Variants in RIPK4 observed in about 807,000 individuals in gnomAD.
RIPK4 encodes the protein receptor interacting serine/threonine kinase 4.
A neutral mutation model predicts 42.9 loss-of-function variants in RIPK4; 17 were observed. That is an observed-to-expected ratio of 0.40 (90% CI 0.27 to 0.59). The LOEUF (loss-of-function observed/expected upper bound fraction) is 0.59. RIPK4 is among the 20% of genes least tolerant of loss of function. The probability of loss-of-function intolerance (pLI) is 0.47; values close to 1 mark genes in which losing one functional copy is unlikely to be tolerated. For synonymous variants in RIPK4, 498 were observed against 499.1 expected, an observed-to-expected ratio of 1.00 and a Z score of 0.03; for missense variants, 897 against 1,104.4, an observed-to-expected ratio of 0.81 and a Z score of 2.66.
intron 3 of RIPK4, among the ~76,000 whole-genome samples, chr21:41,749,920 A>G (rs1197561645): frequency 6.6e-6 from 1 of 151,838 alleles, no homozygotes; most frequent in Non-Finnish European, 1.5e-5. Context: ...GAAAAGAAAA[A>G]CAGAAGTCCG....
chr21:41,755,277 G>A lies in RIPK4; in HGVS notation c.474+1248C>T, dbSNP rs763317227. On this transcript the variant is annotated intron_variant, in intron 2 of 7. Transcript: ENST00000332512. The surrounding 1 kb of genome is among the most constrained non-coding windows in gnomAD (Gnocchi z 4.2). ...AATTTCCTACTTCACTTCGCAGGACGGTGCTTCATCTTCTAGCTGAAATCT... is the reference window on the plus strand; with the variant it reads ...AATTTCCTACTTCACTTCGCAGGACAGTGCTTCATCTTCTAGCTGAAATCT... Among the ~76,000 whole-genome samples, 1 of 152,126 alleles carries A rather than the reference G, an allele frequency of 6.6e-6. No homozygotes were observed. Among genetic ancestry groups the A allele is most frequent in the Non-Finnish European group, 1.5e-5 (1 of 68,012 alleles).
At chr21:41,760,473 T>G (rs181862138) in intron 1 of RIPK4, among the ~76,000 whole-genome samples, 1 of 152,086 alleles carries the variant, frequency 6.6e-6, no homozygotes, top group African/African-American at 2.4e-5. Context: ...GAAGTCAGCA[T>G]AGGAAAGGGC....
chr21:41,753,360 C>T (rs2061194020), intron 2 of RIPK4, among the ~76,000 whole-genome samples: 1 of 152,198 alleles, frequency 6.6e-6, no homozygotes, highest in Non-Finnish European at 1.5e-5. Flanking sequence ...CTCCTCCTGT[C>T]TTTGTCAGAT....
At chr21:41,746,039 C>G (rs3892167) in intron 5 of RIPK4, 177 bp from the exon 6 acceptor site, 301 of 724,830 alleles carry the variant, frequency 4.2e-4, no homozygotes, top group Admixed American at 1.5e-3. Flanking sequence ...AAACCCAGGC[C>G]CCCCCATCGG....
intron 5 of RIPK4, 178 bp from the exon 6 acceptor site, chr21:41,746,040 C>T (rs2061169745): frequency 2.8e-6 from 2 of 723,976 alleles, no homozygotes; most frequent in South Asian, 1.4e-5. Flanking sequence ...AACCCAGGCC[C>T]CCCCATCGGT....
Position 41,755,745 on chromosome 21 carries a change from G to T in RIPK4, c.474+780C>A, listed in dbSNP as rs2061201449. Among the ~76,000 whole-genome samples, 1 of 152,170 alleles carries T rather than the reference G, an allele frequency of 6.6e-6. No homozygotes were observed. Among genetic ancestry groups the T allele is most frequent in the Non-Finnish European group, 1.5e-5 (1 of 68,034 alleles). ...AGAGCATGTGAACATCACCACGTGG[G>T]GAAAAACTACAACGCGCCAGGTGTA... On this transcript the variant is annotated intron_variant, in intron 2 of 7. Coordinates refer to ENST00000332512, the MANE Select transcript of RIPK4 (RefSeq NM_020639.3). This position sits in a 1 kb window ranked among gnomAD's most constrained non-coding sequence, Gnocchi z 4.2.
At chr21:41,744,247 G>T (rs1400717085) in intron 6 of RIPK4, 107 bp from the exon 7 acceptor site, 1 of 1,105,710 alleles carries the variant, frequency 9.0e-7, no homozygotes, top group Non-Finnish European at 1.3e-6. Flanking sequence ...AGGGAGATGG[G>T]GGAGGAAAGG....
intron 7 of RIPK4, among the ~76,000 whole-genome samples, chr21:41,743,078 G>A (rs2061159544): frequency 6.6e-6 from 1 of 152,208 alleles, no homozygotes. Context: ...CCAAGAGGAT[G>A]TTTCCAATCC....
chr21:41,740,515 G>A lies in RIPK4; in HGVS notation c.*323C>T, dbSNP rs1269129615. On this transcript the variant is annotated 3_prime_UTR_variant, in exon 8 of 8. Transcript: ENST00000332512. ...TGGCTCGCCTCAGGAGAGAGTGGAT[G>A]CTTCCACGCCTGGGGCTTCATCACT... 1.5e-5 allele frequency: 5 copies of A among 331,480 alleles called. No homozygotes were observed. Among genetic ancestry groups the A allele is most frequent in the Non-Finnish European group, 2.7e-5 (5 of 181,960 alleles). 20.5% of individuals were successfully genotyped at this position (331,480 alleles called of 1,614,324 possible).
At chr21:41,757,293 G>A (rs1407055387) in intron 1 of RIPK4, among the ~76,000 whole-genome samples, 1 of 152,130 alleles carries the variant, frequency 6.6e-6, no homozygotes, top group Non-Finnish European at 1.5e-5. Flanking sequence ...GGCCAAGGCG[G>A]ATGGATCACC....
rs1477023612 is a variant in RIPK4 at position 41,741,042 on chromosome 21, C to T, written c.2151G>A (p.Glu717=). ...LHLAAAHGHS[E]VVEELVSADV... ...CGGCGCTGACCAACTCCTCCACCAC[C>T]TCCGAGTGCCCGTGGGCGGCAGCCA... The change falls in exon 8 of 8, where the codon GAG becomes GAA. Residue 717 remains glutamate (E), a synonymous_variant. Transcript: ENST00000332512. 1 of 1,609,882 alleles carries T rather than the reference C, an allele frequency of 6.2e-7. No individual in the cohort carries two copies. Among genetic ancestry groups the T allele is most frequent in the East Asian group, 2.2e-5 (1 of 44,824 alleles).
chr21:41,755,404 T>C lies in RIPK4; in HGVS notation c.474+1121A>G, dbSNP rs767780699. Among the ~76,000 whole-genome samples, 3 of 152,158 alleles carry C rather than the reference T, an allele frequency of 2.0e-5. No individual in the cohort carries two copies. Among genetic ancestry groups the C allele is most frequent in the Non-Finnish European group, 2.9e-5 (2 of 68,024 alleles). ...CCCTGGCTGAGCAAGGCACGCGAGA[T>C]GCACTCGTCCGCAGAGTCTGGGCAC... On this transcript the variant is annotated intron_variant, in intron 2 of 7. Transcript: ENST00000332512. This position sits in a 1 kb window ranked among gnomAD's most constrained non-coding sequence, Gnocchi z 4.2.
intron 6 of RIPK4, 130 bp downstream of exon 6, chr21:41,745,629 G>C (rs2061168193): frequency 1.5e-6 from 1 of 671,324 alleles, no homozygotes; most frequent in African/African-American, 1.8e-5. Context: ...TAATGGAGTT[G>C]GGTGCGGGAT....
rs959813433 is a variant in RIPK4, at chr21:41,755,119, G to A, written c.474+1406C>T. Among the ~76,000 whole-genome samples the A allele has an allele frequency of 6.6e-6, 1 of 152,038 alleles. No homozygotes were observed. The highest frequency in any genetic ancestry group is 3.2e-3 in the Middle Eastern group (1 of 316). On this transcript the variant is annotated intron_variant, in intron 2 of 7. Transcript: ENST00000332512. The surrounding 1 kb of genome is among the most constrained non-coding windows in gnomAD (Gnocchi z 4.2). ...CCGTAAATGTTGGCGGGAATGGGGG[G>A]TCCGCATGTGAGGCCCAGCCCTGCC...
At position 41,739,801 on chromosome 21, in the gene RIPK4, C is replaced by T. The variant is rs1006538611; in HGVS notation, c.*1037G>A. 5 of 152,322 alleles carry T rather than the reference C, an allele frequency of 3.3e-5. No individual in the cohort carries two copies. Among genetic ancestry groups the T allele is most frequent in the Non-Finnish European group, 4.4e-5 (3 of 68,112 alleles). 9.4% of individuals were successfully genotyped at this position (152,322 alleles called of 1,614,324 possible). ...AGGTCAGAAACACTCCCCCCATACC[C>T]CAAAACACTATCCCTATCCCAAATC... On this transcript the variant is annotated 3_prime_UTR_variant, in exon 8 of 8. Transcript: ENST00000332512.
In RIPK4 at chr21:41,746,702, C is replaced by T; in HGVS notation, c.743G>A (p.Cys248Tyr). ...KGHRPELPPVCRARPRACSHL... is the reference protein window; with the variant it reads ...KGHRPELPPVYRARPRACSHL... ...GCTGCAGGCGCGCGGCCGGGCTCTG[C>T]ACACGGGCGGCAGCTCGGGGCGGTG... Residue 248 changes from cysteine to tyrosine, a missense_variant, in exon 5 of 8, where the codon TGC (cysteine) becomes TAC (tyrosine). By Grantham distance (194) the Cys-to-Tyr change is radical. Transcript: ENST00000332512. 6.2e-7 allele frequency: 1 copy of T among 1,610,360 alleles called. No individual in the cohort carries two copies. Among genetic ancestry groups the T allele is most frequent in the Admixed American group, 1.7e-5 (1 of 59,922 alleles).
At chr21:41,762,778 T>C (rs953836978) in intron 1 of RIPK4, among the ~76,000 whole-genome samples, 1 of 95,992 alleles carries the variant, frequency 1.0e-5, no homozygotes, top group Admixed American at 1.1e-4. Context: ...ACTGTAGATT[T>C]ATTACTATTA....
At chr21:41,744,997 C>T (rs898595534) in intron 6 of RIPK4, among the ~76,000 whole-genome samples, 3 of 152,188 alleles carry the variant, frequency 2.0e-5, no homozygotes, top group Non-Finnish European at 4.4e-5. Flanking sequence ...TGTGGGACGG[C>T]TCGAGGTCCC....
intron 1 of RIPK4, among the ~76,000 whole-genome samples, chr21:41,758,430 G>A (rs73371615): frequency 0.097 from 14,743 of 152,154 alleles, 757 homozygotes; most frequent in African/African-American, 0.13. Flanking sequence ...TCTGCTGCAC[G>A]AATGTACTGC....
Sources: gnomAD v4.1 joint callset for allele counts (sites outside exome capture counted in the v4.1 genomes callset) on GRCh38, gnomAD v4.1.1 for gene constraint, Gnocchi (gnomAD v3.1) non-coding constraint, MANE v1.5 for transcripts, NCBI Gene and HGNC (gene_info 2026-07-23, HGNC 2026-07-21) for gene names.